The following ITIH6 variants were observed in gnomAD, a reference collection of about 807,000 sequenced individuals.
The protein encoded by ITIH6 is inter-alpha-trypsin inhibitor heavy chain H6.
In ITIH6, 60 loss-of-function variants were observed where a neutral mutation model predicts 58.2. The ratio of observed to expected loss-of-function variants is 1.03; its 90% CI spans 0.84 to 1.28. The LOEUF is 1.28. Among genes scored for constraint, ITIH6 ranks in the 50% most tolerant of loss-of-function variants. The probability of loss-of-function intolerance (pLI) is 0.00; values close to 1 mark genes in which losing one functional copy is unlikely to be tolerated. For synonymous variants in ITIH6, 493 were observed against 417.4 expected (o/e 1.18, Z -2.21); for missense variants, 1,290 against 1,021.1 (o/e 1.26, Z -3.59).
chrX:54,791,213 T>A, intron 3 of ITIH6, 129 bp from the exon 4 acceptor site: 1 of 603,203 alleles, frequency 1.7e-6, no homozygotes, highest in Non-Finnish European at 2.5e-6. Context: ...CTGGTTCAAC[T>A]GAGTCACTGG....
intron 6 of ITIH6, among the ~76,000 whole-genome samples, chrX:54,764,915 G>T (rs1385071888): frequency 1.0e-5 from 1 of 98,738 alleles, no homozygotes; most frequent in Non-Finnish European, 2.0e-5. Context: ...ATCCTCTCCA[G>T]CACCTGTTGT....
In ITIH6 at chrX:54,785,491, T is replaced by C. The variant is rs772461821; in HGVS notation, c.786+2989A>G. On this transcript the variant is annotated intron_variant, in intron 5 of 12. Transcript: ENST00000218436. ...TTAACCCATAAATATATACACCTAC[T>C]GTGTACCCTCAAAAATTAAAAGTAA... is the stretch of plus-strand genomic sequence containing the variant. Among the ~76,000 whole-genome samples the C allele has an allele frequency of 4.9e-4, 54 of 111,167 alleles. 1 individual carries two copies. The highest frequency in any genetic ancestry group is 1.7e-3 in the African/African-American group (53 of 30,570).
At chrX:54,765,932 G>C (rs1427263403) in intron 6 of ITIH6, among the ~76,000 whole-genome samples, 1 of 111,483 alleles carries the variant, frequency 9.0e-6, no homozygotes, top group Non-Finnish European at 1.9e-5. Context: ...TGTGAAGAAA[G>C]TCATTGGTAG....
intron 3 of ITIH6, 63 bp from the exon 4 acceptor site, chrX:54,791,147 T>C: frequency 8.8e-7 from 1 of 1,130,113 alleles, no homozygotes; most frequent in Non-Finnish European, 1.2e-6. Context: ...CAGGGGCTGT[T>C]AGATGACCTA....
intron 2 of ITIH6, among the ~76,000 whole-genome samples, chrX:54,794,610 C>G (rs1231007372): frequency 9.0e-6 from 1 of 111,158 alleles, no homozygotes; most frequent in African/African-American, 3.3e-5. Flanking sequence ...ATACCAATCC[C>G]CTCCTCTAAC....
chrX:54,798,193 G>C lies in ITIH6; in HGVS notation c.18C>G (p.Tyr6Ter). MSGWR[Y>*]LICVSFLLTI... is the part of the protein sequence containing the mutation. ...TCAGCAAAAAGCTGACACAGATGAG[G>C]TACCTCCACCCAGACATGATGCCAC... The change falls in exon 1 of 13, where the codon TAC becomes TAG. Residue 6 changes from tyrosine (Y) to a stop codon, truncating the protein, a stop_gained. Transcript: ENST00000218436. LOFTEE classifies it high-confidence loss of function. 8.5e-7 allele frequency: 1 copy of C among 1,177,690 alleles called. No individual in the cohort carries two copies.
At chrX:54,762,568 A>C (rs747390433) in intron 6 of ITIH6, among the ~76,000 whole-genome samples, 1 of 111,491 alleles carries the variant, frequency 9.0e-6, no homozygotes, top group Non-Finnish European at 1.9e-5. Context: ...CATACTTTCC[A>C]ACTTCCCTTT....
intron 12 of ITIH6, among the ~76,000 whole-genome samples, chrX:54,750,575 A>T (rs1449162230): frequency 9.0e-6 from 1 of 111,614 alleles, no homozygotes; most frequent in Admixed American, 9.5e-5. Flanking sequence ...TCCTCGGCTT[A>T]CAACCCTTCA....
chrX:54,796,847 T>G (rs112958745), intron 2 of ITIH6, 95 bp downstream of exon 2: 120 of 880,141 alleles, frequency 1.4e-4, no homozygotes, highest in Non-Finnish European at 1.8e-4. Context: ...CAGAGTGCAT[T>G]GTCTTAATCA....
chrX:54,770,239 G>A (rs1312293759), intron 6 of ITIH6, among the ~76,000 whole-genome samples: 4 of 112,437 alleles, frequency 3.6e-5, no homozygotes, highest in Admixed American at 1.9e-4. Flanking sequence ...GCTTCGGCTC[G>A]CGCATGGTGC....
In ITIH6 at chrX:54,749,867, G is replaced by A; in HGVS notation, c.*28C>T. 8.5e-7 allele frequency: 1 copy of A among 1,170,627 alleles called. No individual in the cohort carries two copies. The highest frequency in any genetic ancestry group is 3.0e-5 in the East Asian group (1 of 33,451). On this transcript the variant is annotated 3_prime_UTR_variant, in exon 13 of 13. Transcript: ENST00000218436. ...TGGTTTCTGGATCTCCCAAATTCAGGTCTCCTGGCTCTGGAATTCAGAAGC... is the reference window on the plus strand; with the variant it reads ...TGGTTTCTGGATCTCCCAAATTCAGATCTCCTGGCTCTGGAATTCAGAAGC...
At chrX:54,785,349 A>C (rs1195827002) in intron 5 of ITIH6, among the ~76,000 whole-genome samples, 1 of 111,386 alleles carries the variant, frequency 9.0e-6, no homozygotes, top group African/African-American at 3.3e-5. Flanking sequence ...TGTACATTTA[A>C]AAATAAGTAA....
intron 6 of ITIH6, among the ~76,000 whole-genome samples, chrX:54,773,045 T>A (rs1295157480): frequency 8.9e-6 from 1 of 111,994 alleles, no homozygotes; most frequent in East Asian, 2.8e-4. Flanking sequence ...AGTGTCTGTA[T>A]TTTTGTTGCT....
At chrX:54,787,046 C>T (rs911614554) in intron 5 of ITIH6, among the ~76,000 whole-genome samples, 1 of 111,112 alleles carries the variant, frequency 9.0e-6, no homozygotes, top group Non-Finnish European at 1.9e-5. Context: ...TAGTCAATGC[C>T]TTCCATCTGT....
At chrX:54,793,777 G>A (rs1929389166) in intron 2 of ITIH6, among the ~76,000 whole-genome samples, 1 of 111,276 alleles carries the variant, frequency 9.0e-6, no homozygotes, top group Non-Finnish European at 1.9e-5. Flanking sequence ...GAAAGTTGGG[G>A]TGGTTGAGTG....
At position 54,753,718 on chromosome X, in the gene ITIH6, C is replaced by G; in HGVS notation, c.3285G>C (p.Glu1095Asp). 2 of 1,211,367 alleles carry G rather than the reference C, an allele frequency of 1.7e-6. No individual in the cohort carries two copies. The highest frequency in any genetic ancestry group is 2.2e-6 in the Non-Finnish European group (2 of 895,347). ...HFVIQIPHSE[E>D]KICFTLNGHP... is the part of the protein sequence containing the mutation. ...GCCCATTCAGTGTGAAGCAGATCTT[C>G]TCTTCTGAGTGTGGGATTTGGATCA... The change falls in exon 11 of 13, where the codon GAG becomes GAC. Residue 1095 changes from glutamate (E) to aspartate (D), a missense_variant. Glu to Asp is a conservative substitution (Grantham distance 45). Coordinates refer to ENST00000218436, the MANE Select transcript of ITIH6 (RefSeq NM_198510.3).
Position 54,759,821 on chromosome X carries a change from A to G in ITIH6, c.1010T>C (p.Ile337Thr), listed in dbSNP as rs1191616944. The change falls in exon 7 of 13, where the codon ATC (isoleucine) becomes ACC (threonine). Residue 337 changes from isoleucine to threonine, a missense_variant. Transcript: ENST00000218436. ...GTGGACATTCTGGATGGTGGCCTGG[A>G]TTGAGCCTCCAGCTTTCCAAACATT... Reference protein sequence around the residue: ...TVNVWKAGGSIQATIQNVHSA... With the variant: ...TVNVWKAGGSTQATIQNVHSA... The G allele has an allele frequency of 8.3e-7, 1 of 1,210,899 alleles. No individual in the cohort carries two copies. Among genetic ancestry groups the G allele is most frequent in the South Asian group, 1.8e-5 (1 of 56,921 alleles).
Position 54,753,741 on chromosome X carries a change from T to C in ITIH6, c.3262A>G (p.Ile1088Val). Reference protein sequence around the residue: ...SSVDGDPHFVIQIPHSEEKIC... With the variant: ...SSVDGDPHFVVQIPHSEEKIC... ...TTCTCTTCTGAGTGTGGGATTTGGA[T>C]CACAAAGTGGGGGTCCCCGTCCACT... is the stretch of plus-strand genomic sequence containing the variant. Residue 1088 changes from isoleucine (I) to valine (V), a missense_variant, in exon 11 of 13, where the codon ATC (isoleucine) becomes GTC (valine). By Grantham distance (29) the Ile-to-Val change is conservative. Coordinates refer to ENST00000218436, the MANE Select transcript of ITIH6 (RefSeq NM_198510.3). The C allele has an allele frequency of 8.3e-7, 1 of 1,210,010 alleles. No individual in the cohort carries two copies. Among genetic ancestry groups the C allele is most frequent in the South Asian group, 1.8e-5 (1 of 56,893 alleles).
At chrX:54,765,512 T>C (rs1282781161) in intron 6 of ITIH6, among the ~76,000 whole-genome samples, 1 of 109,534 alleles carries the variant, frequency 9.1e-6, no homozygotes, top group South Asian at 3.9e-4. Flanking sequence ...ATTTATTAAA[T>C]AGGGAATCAT....
Sources: gnomAD v4.1 joint callset for allele counts (sites outside exome capture counted in the v4.1 genomes callset) on GRCh38, gnomAD v4.1.1 for gene constraint, MANE v1.5 for transcripts, NCBI Gene and HGNC (gene_info 2026-07-23, HGNC 2026-07-21) for gene names.